The following NRG1 variants were observed in gnomAD, a reference collection of about 807,000 sequenced individuals.
NRG1 encodes pro-neuregulin-1, membrane-bound isoform.
A neutral mutation model predicts 63.8 loss-of-function variants in NRG1; 18 were observed. That is an observed-to-expected ratio of 0.28 (90% CI 0.19 to 0.42). NRG1 has a LOEUF of 0.42. Among genes scored for constraint, NRG1 ranks in the 10% least tolerant of loss-of-function variants. NRG1 has a pLI of 1.00. For missense variants in NRG1, 762 were observed against 814.7 expected (o/e 0.94, Z 0.79); for synonymous variants, 302 against 301.3 (o/e 1.00, Z -0.02).
intron 1 of NRG1, among the ~76,000 whole-genome samples, chr8:31,650,916 G>A (rs1017401983): frequency 2.0e-5 from 3 of 152,044 alleles, no homozygotes; most frequent in Non-Finnish European, 4.4e-5. Context: ...ACTCATTTGG[G>A]TCTCAGTTTC....
chr8:31,670,923 C>T (rs1272387300), intron 1 of NRG1, among the ~76,000 whole-genome samples: 2 of 152,136 alleles, frequency 1.3e-5, no homozygotes, highest in Non-Finnish European at 2.9e-5. Flanking sequence ...AACATAATAA[C>T]CGATAGGTAC....
Position 32,312,153 on chromosome 8 carries a change from G to GTTTTT in NRG1, c.38-283672_38-283671insTTTTT, listed in dbSNP as rs767575805. Among the ~76,000 whole-genome samples the GTTTTT allele has an allele frequency of 3.6e-3, 358 of 98,152 alleles. 25 individuals carry two copies. The highest frequency in any genetic ancestry group is 7.0e-3 in the African/African-American group (186 of 26,384). 64.4% of individuals were successfully genotyped at this position (98,152 alleles called of 152,430 possible). A position where few individuals can be genotyped will look rare whatever the true frequency, so the allele number is the denominator to read the frequency against. On this transcript the variant is annotated intron_variant, in intron 1 of 10. Transcript: ENST00000519301. The stretch of plus-strand genomic sequence containing the variant: ...AGCCCTACATTCATTATTTGACCTT[G>GTTTTT]TTTGTTTTTTTTTTTTTTTTTTTTT...
intron 1 of NRG1, among the ~76,000 whole-genome samples, chr8:32,166,505 G>A (rs912450982): frequency 2.0e-5 from 3 of 151,940 alleles, no homozygotes; most frequent in Non-Finnish European, 2.9e-5. Flanking sequence ...TATATTATCC[G>A]GTGACATCAG....
intron 1 of NRG1, among the ~76,000 whole-genome samples, chr8:31,763,743 G>C (rs1817778603): frequency 6.6e-6 from 1 of 152,230 alleles, no homozygotes; most frequent in African/African-American, 2.4e-5. Flanking sequence ...GAGGTCAGGA[G>C]ATCGAGACCA....
At chr8:31,913,802 A>G (rs928274782) in intron 1 of NRG1, among the ~76,000 whole-genome samples, 4 of 152,184 alleles carry the variant, frequency 2.6e-5, no homozygotes, top group African/African-American at 4.8e-5. Flanking sequence ...CAGTTTGTGC[A>G]GGAAAAAAAA....
chr8:31,857,157 C>T (rs1306318075), intron 1 of NRG1, among the ~76,000 whole-genome samples: 2 of 152,196 alleles, frequency 1.3e-5, no homozygotes, highest in Non-Finnish European at 2.9e-5. Context: ...CCAGCTTCCC[C>T]CCTGCTTTGT....
chr8:32,035,553 C>A (rs1330958677), intron 1 of NRG1, among the ~76,000 whole-genome samples: 2 of 152,072 alleles, frequency 1.3e-5, no homozygotes, highest in African/African-American at 4.8e-5. Flanking sequence ...TAAAGTATCC[C>A]CACAATTATT....
chr8:31,772,441 A>G (rs1048803539), intron 1 of NRG1, among the ~76,000 whole-genome samples: 1 of 152,218 alleles, frequency 6.6e-6, no homozygotes, highest in Non-Finnish European at 1.5e-5. Flanking sequence ...CACAAGGTTG[A>G]GGATTAAACC....
intron 1 of NRG1, among the ~76,000 whole-genome samples, chr8:31,656,091 A>G (rs1465799190): frequency 6.6e-6 from 1 of 152,214 alleles, no homozygotes; most frequent in East Asian, 1.9e-4. Context: ...CAAGGACATG[A>G]CATTTCTAGC....
intron 6 of NRG1, chr8:32,728,624 G>T (rs565185358): frequency 1.0e-6 from 1 of 984,798 alleles, no homozygotes; most frequent in South Asian, 4.7e-5. Flanking sequence ...AGTAAAAAAA[G>T]AGAAAAAAGT....
chr8:31,652,273 C>G (rs1804928717), intron 1 of NRG1, among the ~76,000 whole-genome samples: 1 of 152,208 alleles, frequency 6.6e-6, no homozygotes, highest in African/African-American at 2.4e-5. Flanking sequence ...CCCGTCTTCC[C>G]TCACTTCAAC....
intron 1 of NRG1, among the ~76,000 whole-genome samples, chr8:32,142,055 G>A (rs74390899): frequency 6.6e-6 from 1 of 152,042 alleles, no homozygotes; most frequent in East Asian, 1.9e-4. Flanking sequence ...AGCTATTAGT[G>A]TCTATTTGCA....
intron 1 of NRG1, among the ~76,000 whole-genome samples, chr8:31,665,831 T>G (rs1806477797): frequency 6.6e-6 from 1 of 152,158 alleles, no homozygotes. Context: ...GCTAATTTGC[T>G]CCATTTTCAA....
At position 32,281,184 on chromosome 8, in the gene NRG1, C is replaced by T. The variant is rs28814952; in HGVS notation, c.38-314644C>T. Among the ~76,000 whole-genome samples the T allele has an allele frequency of 2.1e-4, 20 of 94,326 alleles. 1 individual carries two copies. Among genetic ancestry groups the T allele is most frequent in the East Asian group, 3.9e-4 (1 of 2,538 alleles). 61.9% of individuals were successfully genotyped at this position (94,326 alleles called of 152,430 possible). On this transcript the variant is annotated intron_variant, in intron 1 of 10. Coordinates refer to the NRG1 transcript ENST00000519301. ...CATAGTACCCAATAGGTAGTTTTTCCTTTTTTTTTTTGAGACAGAATCTCG... is the reference window on the plus strand; with the variant it reads ...CATAGTACCCAATAGGTAGTTTTTCTTTTTTTTTTTTGAGACAGAATCTCG...
At chr8:32,026,005 T>C (rs1420802906) in intron 1 of NRG1, among the ~76,000 whole-genome samples, 1 of 151,930 alleles carries the variant, frequency 6.6e-6, no homozygotes, top group Non-Finnish European at 1.5e-5. Flanking sequence ...TTTCCCTGCT[T>C]CACTTTCTAT....
chr8:32,537,706 G>A (rs1318007516), intron 1 of NRG1, among the ~76,000 whole-genome samples: 1 of 152,104 alleles, frequency 6.6e-6, no homozygotes, highest in African/African-American at 2.4e-5. Context: ...CTTCACAATG[G>A]TGACTGATAC....
intron 1 of NRG1, among the ~76,000 whole-genome samples, chr8:32,367,642 G>A (rs1431035694): frequency 6.6e-6 from 1 of 152,090 alleles, no homozygotes; most frequent in African/African-American, 2.4e-5. Flanking sequence ...TCTTCACTAT[G>A]TTGATTGTTT....
At chr8:32,217,638 G>A (rs1225583389) in intron 1 of NRG1, among the ~76,000 whole-genome samples, 5 of 152,072 alleles carry the variant, frequency 3.3e-5, no homozygotes, top group African/African-American at 4.8e-5. Context: ...GGAAGAAATC[G>A]GGTGAAAAAG....
At chr8:32,401,656 C>A (rs1272908785) in intron 1 of NRG1, among the ~76,000 whole-genome samples, 1 of 152,088 alleles carries the variant, frequency 6.6e-6, no homozygotes, top group African/African-American at 2.4e-5. Context: ...ATACCACATG[C>A]CCTCACTTAT....
Sources: gnomAD v4.1 joint callset for allele counts (sites outside exome capture counted in the v4.1 genomes callset) on GRCh38, gnomAD v4.1.1 for gene constraint, MANE v1.5 for transcripts, NCBI Gene and HGNC (gene_info 2026-07-23, HGNC 2026-07-21) for gene names.